Variants in MPDZ observed in about 807,000 individuals in gnomAD.
The protein encoded by MPDZ is multiple PDZ domain protein.
MPDZ carries 234 observed loss-of-function variants against 239.1 expected under a neutral mutation model. That is an observed-to-expected ratio of 0.98 (90% CI 0.88 to 1.09). MPDZ has a LOEUF of 1.09. Among genes scored for constraint, MPDZ ranks in the 50% least tolerant of loss-of-function variants. MPDZ has a pLI of 0.00. For missense variants in MPDZ, 3,175 were observed against 2,510.0 expected (o/e 1.26, Z -5.66); for synonymous variants, 1,048 against 881.3 (o/e 1.19, Z -3.35).
rs1966471663 is a variant in MPDZ, at chr9:13,245,854, T to C, written c.183+1781A>G. On this transcript the variant is annotated intron_variant, in intron 3 of 46. Transcript: ENST00000319217. Reference sequence around the variant, plus strand: ...ATAGGCCGGCCTATTTGTCCCCTCCTTTCATGAGACACTGTATGCACAAAT... The same window carrying C: ...ATAGGCCGGCCTATTTGTCCCCTCCCTTCATGAGACACTGTATGCACAAAT... Among the ~76,000 whole-genome samples, 3 of 152,292 alleles carry C rather than the reference T, an allele frequency of 2.0e-5. 1 individual carries two copies. In the South Asian group the frequency reaches 6.2e-4, roughly 32 times the overall value.
chr9:13,168,229 C>T (rs1951323346), intron 22 of MPDZ, 137 bp downstream of exon 22: 2 of 778,700 alleles, frequency 2.6e-6, no homozygotes, highest in African/African-American at 1.8e-5. Context: ...CAAAAATAGT[C>T]AATTTCTTGA....
intron 3 of MPDZ, among the ~76,000 whole-genome samples, chr9:13,243,015 T>C (rs1427677117): frequency 3.3e-5 from 5 of 152,174 alleles, no homozygotes; most frequent in Non-Finnish European, 7.4e-5. Flanking sequence ...CTGTAAACAT[T>C]GCTCTCTCTA....
chr9:13,147,125 T>C (rs1479614615), intron 26 of MPDZ, among the ~76,000 whole-genome samples: 1 of 152,030 alleles, frequency 6.6e-6, no homozygotes, highest in East Asian at 1.9e-4. Flanking sequence ...GATTATGGGA[T>C]TGCATAAGTA....
At chr9:13,136,329 T>TC in intron 30 of MPDZ, 147 bp from the exon 31 acceptor site, 1 of 382,646 alleles carries the variant, frequency 2.6e-6, no homozygotes, top group Non-Finnish European at 4.5e-6. Context: ...CGTTTTCTTT[T>TC]TTTTTTTTTT....
At chr9:13,139,167 C>T (rs552107375) in intron 28 of MPDZ, among the ~76,000 whole-genome samples, 2 of 152,294 alleles carry the variant, frequency 1.3e-5, no homozygotes, top group African/African-American at 4.8e-5. Context: ...GCATCAATTT[C>T]ATAAACTATT....
At chr9:13,244,834 A>G (rs186548785) in intron 3 of MPDZ, among the ~76,000 whole-genome samples, 225 of 152,308 alleles carry the variant, frequency 1.5e-3, no homozygotes, top group African/African-American at 5.2e-3. Flanking sequence ...TCTGTCATTA[A>G]TACAACAATA....
chr9:13,123,911 G>C (rs1290417842), intron 35 of MPDZ, among the ~76,000 whole-genome samples: 1 of 152,166 alleles, frequency 6.6e-6, no homozygotes, highest in Non-Finnish European at 1.5e-5. Flanking sequence ...TATACATTCA[G>C]ATGTCAAATC....
At chr9:13,121,588 C>A (rs1360630077) in intron 38 of MPDZ, 151 bp downstream of exon 38, 6 of 785,294 alleles carry the variant, frequency 7.6e-6, no homozygotes, top group Non-Finnish European at 1.2e-5. Flanking sequence ...AAACCAATGT[C>A]TTTTTATGGT....
At chr9:13,228,756 A>C (rs138460802) in intron 3 of MPDZ, among the ~76,000 whole-genome samples, 240 of 152,260 alleles carry the variant, frequency 1.6e-3, no homozygotes, top group African/African-American at 5.5e-3. Flanking sequence ...AATTTCACCA[A>C]TAATTGTTTT....
chr9:13,113,027 G>C lies in MPDZ; in HGVS notation c.5585C>G (p.Thr1862Arg), dbSNP rs749795326. The change falls in exon 42 of 47, where the codon ACA (threonine) becomes AGA (arginine). Residue 1862 changes from threonine to arginine, a missense_variant. Transcript: ENST00000319217. ...CCAAGTTACCTTTTTCATTTCGACT[G>C]TTCTTAATCCCTGTATTTCAGATGC... ...ALASEIQGLR[T>R]VEMKKGPTDS... 1 of 1,585,668 alleles carries C rather than the reference G, an allele frequency of 6.3e-7. No individual in the cohort carries two copies. Among genetic ancestry groups the C allele is most frequent in the Non-Finnish European group, 8.6e-7 (1 of 1,163,888 alleles).
intron 21 of MPDZ, among the ~76,000 whole-genome samples, chr9:13,173,906 C>T (rs1952123670): frequency 6.6e-6 from 1 of 152,126 alleles, no homozygotes; most frequent in Non-Finnish European, 1.5e-5. Context: ...TAGATGGCTG[C>T]AGCAGAAGTT....
At chr9:13,165,120 C>T (rs768469432) in intron 22 of MPDZ, among the ~76,000 whole-genome samples, 1 of 152,090 alleles carries the variant, frequency 6.6e-6, no homozygotes, top group African/African-American at 2.4e-5. Flanking sequence ...AGCTTGAAAG[C>T]TTCATAATTG....
At chr9:13,180,625 T>G (rs1953166862) in intron 19 of MPDZ, among the ~76,000 whole-genome samples, 1 of 152,216 alleles carries the variant, frequency 6.6e-6, no homozygotes, top group South Asian at 2.1e-4. Context: ...TTCTGCATTT[T>G]GTCATATCTT....
intron 1 of MPDZ, among the ~76,000 whole-genome samples, chr9:13,259,946 G>A (rs1317691256): frequency 1.3e-5 from 2 of 151,880 alleles, no homozygotes; most frequent in Non-Finnish European, 2.9e-5. Flanking sequence ...CTATTCTCGT[G>A]CCTCAGCCTC....
At position 13,126,602 on chromosome 9, in the gene MPDZ, C is replaced by T. The variant is rs772467388; in HGVS notation, c.4558-12G>A. 1.9e-5 allele frequency: 31 copies of T among 1,608,392 alleles called. No homozygotes were observed. Among genetic ancestry groups the T allele is most frequent in the Admixed American group, 1.2e-4 (7 of 59,186 alleles). ...TTGAGTCGTCCATCCTAAATGGAAA[C>T]GTAGAAGAATTTGAGTGATATTCCA... On this transcript the variant is annotated splice_polypyrimidine_tract_variant and intron_variant, in intron 33 of 46. Coordinates refer to ENST00000319217, the MANE Select transcript of MPDZ (RefSeq NM_001378778.1).
At chr9:13,172,785 T>C (rs532860788) in intron 21 of MPDZ, among the ~76,000 whole-genome samples, 1 of 152,324 alleles carries the variant, frequency 6.6e-6, no homozygotes, top group South Asian at 2.1e-4. Flanking sequence ...CTAGATGTGA[T>C]GGAAAGGAAG....
rs759646087 is a variant in MPDZ, at chr9:13,108,910, A to G, written c.6066+26T>C. 4 of 1,605,952 alleles carry G rather than the reference A, an allele frequency of 2.5e-6. No individual in the cohort carries two copies. The South Asian group carries it at 4.4e-5, about 18-fold the overall frequency. On this transcript the variant is annotated intron_variant, in intron 46 of 46. Coordinates refer to ENST00000319217, the MANE Select transcript of MPDZ (RefSeq NM_001378778.1). ...TATTAATGAATGTTTAGGGGAAAAG[A>G]GGGTGGTTAAAATTTGCAAGCTTAC...
intron 3 of MPDZ, among the ~76,000 whole-genome samples, chr9:13,245,667 T>A (rs541232884): frequency 6.6e-6 from 1 of 152,316 alleles, no homozygotes; most frequent in African/African-American, 2.4e-5. Flanking sequence ...ATTTATGTAG[T>A]CTTAAAATAT....
intron 21 of MPDZ, among the ~76,000 whole-genome samples, chr9:13,174,554 G>A (rs1334325492): frequency 6.6e-6 from 1 of 152,114 alleles, no homozygotes; most frequent in East Asian, 1.9e-4. Flanking sequence ...AAAGAAACCC[G>A]TCTTCTTAAA....
Sources: allele counts gnomAD v4.1 joint callset (sites outside exome capture counted in the v4.1 genomes callset), GRCh38; gene constraint gnomAD v4.1.1; transcripts MANE v1.5; gene names NCBI Gene and HGNC (gene_info 2026-07-23, HGNC 2026-07-21).